Variants in DDX1 observed in about 807,000 individuals in gnomAD.
DDX1 encodes the protein ATP-dependent RNA helicase DDX1.
A neutral mutation model predicts 108.7 loss-of-function variants in DDX1; 28 were observed. The observed-to-expected ratio is 0.26, with a 90% CI of 0.19 to 0.35. DDX1 has a LOEUF of 0.35. DDX1 is among the 10% of genes least tolerant of loss of function. The pLI is 1.00. For synonymous variants in DDX1, 295 were observed against 288.9 expected (o/e 1.02, Z -0.21); for missense variants, 710 against 884.5 (o/e 0.80, Z 2.50).
At chr2:15,624,569 C>T (rs374894110) in intron 19 of DDX1, among the ~76,000 whole-genome samples, 9 of 152,122 alleles carry the variant, frequency 5.9e-5, no homozygotes, top group East Asian at 1.9e-4. Flanking sequence ...ATGAGGACTC[C>T]GTCACTATCA....
At chr2:15,628,605 C>G (rs779976505) in intron 21 of DDX1, 33 bp from the exon 22 acceptor site, 21 of 1,597,312 alleles carry the variant, frequency 1.3e-5, no homozygotes, top group Non-Finnish European at 1.5e-5. Context: ...TTAGAAACTA[C>G]TGGCAATTGT....
chr2:15,621,719 T>C (rs978755327), intron 18 of DDX1, among the ~76,000 whole-genome samples: 1 of 151,798 alleles, frequency 6.6e-6, no homozygotes, highest in Non-Finnish European at 1.5e-5. Context: ...CTGGTGCGAT[T>C]TTGGCTCACC....
rs377002986 is a variant in DDX1 at position 15,631,005 on chromosome 2, G to A, written c.*99G>A. ...TCCAAGCAGCAGTATTTATAGTAACGTAAGCTATTAATGCTAACTCTTGCA... is the reference window on the plus strand; with the variant it reads ...TCCAAGCAGCAGTATTTATAGTAACATAAGCTATTAATGCTAACTCTTGCA... On this transcript the variant is annotated 3_prime_UTR_variant, in exon 26 of 26. Coordinates refer to ENST00000233084, the MANE Select transcript of DDX1 (RefSeq NM_004939.3). 19 of 1,177,624 alleles carry A rather than the reference G, an allele frequency of 1.6e-5. No individual in the cohort carries two copies. The Admixed American group carries it at 2.0e-4, about 13-fold the overall frequency. 72.9% of individuals were successfully genotyped at this position (1,177,624 alleles called of 1,614,324 possible).
chr2:15,602,554 G>C lies in DDX1; in HGVS notation c.314G>C (p.Gly105Ala). ...GTTTTCTTCTCAAATCCAGCAATTGGGTCAGATGGTCTTTGTTGTCAAAGC... is the reference window on the plus strand; with the variant it reads ...GTTTTCTTCTCAAATCCAGCAATTGCGTCAGATGGTCTTTGTTGTCAAAGC... ...PYDRGSAFAIGSDGLCCQSRE... is the reference protein window; with the variant it reads ...PYDRGSAFAIASDGLCCQSRE... Residue 105 changes from glycine (G) to alanine (A), a missense_variant, in exon 7 of 26, where the codon GGG becomes GCG. By Grantham distance (60) the Gly-to-Ala change is moderately conservative (BLOSUM62 0). Around this residue, in one of 3 missense-constraint regions of DDX1, gnomAD observed 661 missense variants for 810.2 expected, o/e 0.82. Coordinates refer to ENST00000233084, the MANE Select transcript of DDX1 (RefSeq NM_004939.3). 1 of 1,613,036 alleles carries C rather than the reference G, an allele frequency of 6.2e-7. No homozygotes were observed. Among genetic ancestry groups the C allele is most frequent in the Non-Finnish European group, 8.5e-7 (1 of 1,179,058 alleles).
At chr2:15,595,059 A>G (rs1665476909) in intron 1 of DDX1, 86 bp from the exon 2 acceptor site, 1 of 1,049,150 alleles carries the variant, frequency 9.5e-7, no homozygotes, top group Non-Finnish European at 1.4e-6. Flanking sequence ...CAAAATCTTT[A>G]CCCTGTTTTA....
rs139287450 is a variant in DDX1 at position 15,618,240 on chromosome 2, T to A, written c.1176T>A (p.Pro392=). Residue 392 remains proline, a synonymous_variant, in exon 16 of 26, where the codon CCT becomes CCA. Coordinates refer to ENST00000233084, the MANE Select transcript of DDX1 (RefSeq NM_004939.3). The part of the protein sequence containing the change: ...DFINRMHNQI[P]QVTSDGKRLQ... ...TAAATAGGATGCACAATCAGATTCC[T>A]CAGGTTACCTCTGATGGAAAAAGAC... 1.5e-4 allele frequency: 233 copies of A among 1,587,552 alleles called. 1 individual carries two copies. Among genetic ancestry groups the A allele is most frequent in the Non-Finnish European group, 1.8e-4 (208 of 1,160,312 alleles).
intron 23 of DDX1, among the ~76,000 whole-genome samples, chr2:15,629,193 C>T (rs1241542382): frequency 6.6e-6 from 1 of 151,982 alleles, no homozygotes; most frequent in Non-Finnish European, 1.5e-5. Flanking sequence ...TAAAGAGCTC[C>T]CATATACTCA....
chr2:15,629,251 C>A (rs1441135689), intron 23 of DDX1, among the ~76,000 whole-genome samples: 1 of 152,062 alleles, frequency 6.6e-6, no homozygotes, highest in Non-Finnish European at 1.5e-5. Context: ...CTTTATTATT[C>A]TCTTATACAA....
chr2:15,604,432 T>C lies in DDX1; in HGVS notation c.553-5T>C. On this transcript the variant is annotated splice_polypyrimidine_tract_variant and splice_region_variant and intron_variant, in intron 9 of 25. Transcript: ENST00000233084. ...TTAATAGCATTTGACTTTCTGGTGTTCTAGGAATTCACTATGCATGATACC... is the reference window on the plus strand; with the variant it reads ...TTAATAGCATTTGACTTTCTGGTGTCCTAGGAATTCACTATGCATGATACC... 6.3e-7 allele frequency: 1 copy of C among 1,594,454 alleles called. No homozygotes were observed. The highest frequency in any genetic ancestry group is 8.6e-7 in the Non-Finnish European group (1 of 1,163,210).
At chr2:15,615,089 C>G (rs1665871602) in intron 14 of DDX1, among the ~76,000 whole-genome samples, 1 of 152,170 alleles carries the variant, frequency 6.6e-6, no homozygotes, top group Non-Finnish European at 1.5e-5. Context: ...CTGTTCTTCT[C>G]TCTGTCTTAC....
At chr2:15,607,444 T>C in intron 13 of DDX1, 131 bp downstream of exon 13, 4 of 651,472 alleles carry the variant, frequency 6.1e-6, no homozygotes, top group Non-Finnish European at 9.8e-6. Context: ...AGTATGTAAA[T>C]ATACTTTAAT....
Position 15,606,203 on chromosome 2 carries a change from A to C in DDX1, c.756A>C (p.Lys252Asn). ...FGEEEFKFPP[K>N]DGFVALSKAP... ...AAGAGGAATTTAAGTTTCCACCAAA[A>C]GATGGCTTTGTTGCTCTTTCCAAGG... Residue 252 changes from lysine to asparagine, a missense_variant, in exon 12 of 26, where the codon AAA becomes AAC. Physicochemically the swap from Lys to Asn is moderately conservative, Grantham distance 94 (BLOSUM62 0). This residue lies in a region of DDX1 where 661 missense variants were observed against 810.2 expected (regional missense o/e 0.82). Coordinates refer to ENST00000233084, the MANE Select transcript of DDX1 (RefSeq NM_004939.3). The C allele has an allele frequency of 1.2e-6, 2 of 1,614,192 alleles. No homozygotes were observed. Among genetic ancestry groups the C allele is most frequent in the Non-Finnish European group, 8.5e-7 (1 of 1,180,018 alleles).
rs1573054121 is a variant in DDX1, at chr2:15,630,885, C to T, written c.2202C>T (p.Asn734=). The change falls in exon 26 of 26, where the codon AAC becomes AAT. Residue 734 remains asparagine, a synonymous_variant. Coordinates refer to ENST00000233084, the MANE Select transcript of DDX1 (RefSeq NM_004939.3). ...TSFLHLGYLP[N]QLFRTF ...TCCTGCATCTTGGCTACCTTCCTAA[C>T]CAGCTGTTCAGAACCTTCTGATTTT... The T allele has an allele frequency of 1.9e-6, 3 of 1,614,110 alleles. No individual in the cohort carries two copies. Among genetic ancestry groups the T allele is most frequent in the Non-Finnish European group, 2.5e-6 (3 of 1,179,974 alleles).
At chr2:15,613,389 C>A in intron 14 of DDX1, 105 bp downstream of exon 14, 1 of 714,016 alleles carries the variant, frequency 1.4e-6, no homozygotes, top group Non-Finnish European at 2.3e-6. Context: ...GAAATTAGAG[C>A]AAGGTCAGAG....
Position 15,628,506 on chromosome 2 carries a change from G to A in DDX1, c.1748G>A (p.Gly583Asp). ...GCTGCTAGAGGAATTGATATCCACG[G>A]TGTTCCTTATGGTAAAAAGCAACTT... Reference protein sequence around the residue: ...DVAARGIDIHGVPYVINVTLP... With the variant: ...DVAARGIDIHDVPYVINVTLP... The change falls in exon 21 of 26, where the codon GGT becomes GAT. Residue 583 changes from glycine to aspartate, a missense_variant. Physicochemically the swap from Gly to Asp is moderately conservative, Grantham distance 94. Around this residue, in one of 3 missense-constraint regions of DDX1, gnomAD observed 661 missense variants for 810.2 expected, o/e 0.82. Coordinates refer to ENST00000233084, the MANE Select transcript of DDX1 (RefSeq NM_004939.3). The A allele has an allele frequency of 3.7e-6, 6 of 1,612,968 alleles. No individual in the cohort carries two copies. Among genetic ancestry groups the A allele is most frequent in the Non-Finnish European group, 4.2e-6 (5 of 1,179,118 alleles).
chr2:15,621,214 A>T, intron 18 of DDX1, 98 bp downstream of exon 18: 1 of 822,564 alleles, frequency 1.2e-6, no homozygotes, highest in Non-Finnish European at 2.0e-6. Context: ...CAAAATTAAA[A>T]CAGGAAATTT....
chr2:15,596,434 G>T (rs889825939), intron 3 of DDX1, among the ~76,000 whole-genome samples: 1 of 152,164 alleles, frequency 6.6e-6, no homozygotes, highest in Non-Finnish European at 1.5e-5. Flanking sequence ...GTAGCAGATT[G>T]TAGTATAGCT....
At chr2:15,607,792 T>C (rs1019713684) in intron 13 of DDX1, among the ~76,000 whole-genome samples, 2 of 152,168 alleles carry the variant, frequency 1.3e-5, no homozygotes, top group African/African-American at 4.8e-5. Context: ...TGGGTGCAAA[T>C]GATCCTCCTG....
At chr2:15,619,056 T>C (rs1665946920) in intron 16 of DDX1, among the ~76,000 whole-genome samples, 1 of 152,180 alleles carries the variant, frequency 6.6e-6, no homozygotes, top group African/African-American at 2.4e-5. Flanking sequence ...CAGCCATAAC[T>C]TGGGCAGCTG....
Sources: allele counts gnomAD v4.1 joint callset (sites outside exome capture counted in the v4.1 genomes callset), GRCh38; gene constraint gnomAD v4.1.1; regional missense constraint gnomAD v4.1.1; transcripts MANE v1.5; gene names NCBI Gene and HGNC (gene_info 2026-07-23, HGNC 2026-07-21).